The following CD44 variants were observed in gnomAD, a reference collection of about 807,000 sequenced individuals.
CD44 encodes CD44 molecule (IN blood group).
Under a neutral mutation model 88.8 loss-of-function variants are expected in CD44, and 49 were observed. That is an observed-to-expected ratio of 0.55 (90% CI 0.44 to 0.70). CD44 has a LOEUF of 0.70. Ranked by LOEUF, CD44 falls within the 30% of genes least tolerant of loss-of-function variation. CD44 has a pLI of 0.00. For missense variants in CD44, 883 were observed against 913.8 expected, an observed-to-expected ratio of 0.97 and a Z score of 0.43; for synonymous variants, 325 against 312.3, an observed-to-expected ratio of 1.04 and a Z score of -0.43.
chr11:35,189,653 AG>A (rs1393415930), intron 4 of CD44, among the ~76,000 whole-genome samples, 181 bp from the exon 5 acceptor site: 1 of 152,138 alleles, frequency 6.6e-6, no homozygotes, highest in Non-Finnish European at 1.5e-5. Flanking sequence ...CCTCATCCCC[AG>A]GGTGTGTGGG....
intron 1 of CD44, among the ~76,000 whole-genome samples, chr11:35,169,643 A>G (rs543887629): frequency 6.6e-6 from 1 of 152,304 alleles, no homozygotes; most frequent in South Asian, 2.1e-4. Flanking sequence ...ACATGTTGTG[A>G]TTTTCTACAA....
chr11:35,147,510 G>C (rs144672979), intron 1 of CD44, among the ~76,000 whole-genome samples: 1 of 152,270 alleles, frequency 6.6e-6, no homozygotes, highest in East Asian at 1.9e-4. Context: ...CCCAGGAAGG[G>C]AGGAGGCAAG....
intron 11 of CD44, 121 bp downstream of exon 11, chr11:35,206,364 G>T: frequency 1.0e-6 from 1 of 987,366 alleles, no homozygotes; most frequent in South Asian, 2.0e-5. Context: ...AGGACCTGAG[G>T]TTCTTCAAAA....
rs1235645343 is a variant in CD44, at chr11:35,153,546, A to G, written c.67+14176A>G. Among the ~76,000 whole-genome samples the G allele has an allele frequency of 6.6e-5, 10 of 152,290 alleles. No individual in the cohort carries two copies. In the South Asian group the frequency reaches 1.9e-3, roughly 28 times the overall value. ...TGGTTTTCAAATTATTCAATTGTTC[A>G]CTCAACGCATACTAGTTGAACACCA... On this transcript the variant is annotated intron_variant, in intron 1 of 17. Coordinates refer to ENST00000428726, the MANE Select transcript of CD44 (RefSeq NM_000610.4).
At chr11:35,227,052 C>G (rs995536305) in intron 17 of CD44, among the ~76,000 whole-genome samples, 1 of 151,760 alleles carries the variant, frequency 6.6e-6, no homozygotes, top group Non-Finnish European at 1.5e-5. Context: ...CCCCCATGAC[C>G]GGCTAATTTT....
At chr11:35,209,894 C>T (rs1948234489) in intron 12 of CD44, 71 bp from the exon 13 acceptor site, 3 of 989,200 alleles carry the variant, frequency 3.0e-6, no homozygotes, top group Non-Finnish European at 4.6e-6. Context: ...GCTAGATTTT[C>T]CTTGCTAGCA....
intron 17 of CD44, among the ~76,000 whole-genome samples, chr11:35,223,590 C>G (rs1013885389): frequency 1.3e-5 from 2 of 152,186 alleles, no homozygotes; most frequent in Non-Finnish European, 2.9e-5. Context: ...CCTCCCAAGA[C>G]CAGCAGTCAC....
Position 35,191,499 on chromosome 11 carries a change from C to T in CD44, c.667+1434C>T, listed in dbSNP as rs567523540. Among the ~76,000 whole-genome samples the T allele has an allele frequency of 5.3e-5, 8 of 152,226 alleles. No individual in the cohort carries two copies. In the East Asian group the frequency reaches 1.2e-3, roughly 22 times the overall value. ...AGAGGCTTCTGCAAACCAAGCGGGC[C>T]GTGCTGCTAGCTACTCACTGCTTCT... On this transcript the variant is annotated intron_variant, in intron 5 of 17. Transcript: ENST00000428726.
chr11:35,147,559 T>C (rs1377155425), intron 1 of CD44, among the ~76,000 whole-genome samples: 1 of 151,730 alleles, frequency 6.6e-6, no homozygotes, highest in Non-Finnish European at 1.5e-5. Flanking sequence ...CAGGAAGGGA[T>C]GCAGGCCTTT....
At chr11:35,157,025 C>T (rs1454989927) in intron 1 of CD44, among the ~76,000 whole-genome samples, 3 of 152,178 alleles carry the variant, frequency 2.0e-5, no homozygotes, top group Non-Finnish European at 4.4e-5. Flanking sequence ...TGGAGCCAGA[C>T]CCTGTCTCTA....
intron 1 of CD44, among the ~76,000 whole-genome samples, chr11:35,162,420 T>A (rs1427962171): frequency 6.6e-6 from 1 of 152,228 alleles, no homozygotes; most frequent in Non-Finnish European, 1.5e-5. Context: ...GTAATGTCCT[T>A]CATTTCCAAG....
At chr11:35,161,860 C>T (rs1942660512) in intron 1 of CD44, among the ~76,000 whole-genome samples, 1 of 151,974 alleles carries the variant, frequency 6.6e-6, no homozygotes, top group Non-Finnish European at 1.5e-5. Context: ...TTTCCTTTTG[C>T]CAGGTATCTG....
At position 35,204,469 on chromosome 11, in the gene CD44, G is replaced by A. The variant is rs748874798; in HGVS notation, c.1154-43G>A. The A allele has an allele frequency of 1.9e-5, 30 of 1,604,944 alleles. 1 individual carries two copies. The highest frequency in any genetic ancestry group is 1.7e-4 in the Middle Eastern group (1 of 6,026). Reference sequence around the variant, plus strand: ...AGATATGTTGACAGCTATTGGTGAGGAAAATAGACAATTATGTCTCCCAAC... The same window carrying A: ...AGATATGTTGACAGCTATTGGTGAGAAAAATAGACAATTATGTCTCCCAAC... On this transcript the variant is annotated intron_variant, in intron 9 of 17. Coordinates refer to ENST00000428726, the MANE Select transcript of CD44 (RefSeq NM_000610.4).
chr11:35,155,605 A>G (rs77131347), intron 1 of CD44, among the ~76,000 whole-genome samples: 10,686 of 152,266 alleles, frequency 0.07, 449 homozygotes, highest in Non-Finnish European at 0.09. Context: ...TCAGGGAATA[A>G]TCTTAAATCT....
intron 1 of CD44, among the ~76,000 whole-genome samples, chr11:35,141,640 C>T (rs1857960193): frequency 6.6e-6 from 1 of 152,218 alleles, no homozygotes; most frequent in Admixed American, 6.5e-5. Flanking sequence ...ACTGTCCTAA[C>T]CCTTGAGGTT....
intron 4 of CD44, among the ~76,000 whole-genome samples, chr11:35,187,673 C>T (rs774531414): frequency 7.2e-5 from 11 of 152,156 alleles, no homozygotes; most frequent in Non-Finnish European, 1.5e-4. Flanking sequence ...GTCATGTTCT[C>T]TCTTATAAAG....
At chr11:35,228,495 T>C (rs1273704955) in intron 17 of CD44, among the ~76,000 whole-genome samples, 1 of 152,234 alleles carries the variant, frequency 6.6e-6, no homozygotes, top group East Asian at 1.9e-4. Context: ...AATCATCATG[T>C]TGATGGTTTA....
intron 1 of CD44, among the ~76,000 whole-genome samples, chr11:35,144,916 G>A (rs1858817203): frequency 6.6e-6 from 1 of 152,222 alleles, no homozygotes; most frequent in Non-Finnish European, 1.5e-5. Flanking sequence ...TTCAGGACAT[G>A]TGTACTTTGG....
intron 11 of CD44, 55 bp downstream of exon 11, chr11:35,206,298 T>C (rs763981656): frequency 2.0e-6 from 3 of 1,516,330 alleles, no homozygotes; most frequent in African/African-American, 2.8e-5. Flanking sequence ...ACTGAGTGAC[T>C]GCTGACTATT....
Sources: gnomAD v4.1 joint callset for allele counts (sites outside exome capture counted in the v4.1 genomes callset) on GRCh38, gnomAD v4.1.1 for gene constraint, MANE v1.5 for transcripts, NCBI Gene and HGNC (gene_info 2026-07-23, HGNC 2026-07-21) for gene names.